Variants in ZDHHC17 observed in about 807,000 individuals in gnomAD.
The protein encoded by ZDHHC17 is zDHHC palmitoyltransferase 17, also known as palmitoyltransferase ZDHHC17.
ZDHHC17 carries 40 observed loss-of-function variants against 90.3 expected under a neutral mutation model. The observed-to-expected ratio is 0.44, with a 90% CI of 0.34 to 0.58. ZDHHC17 has a LOEUF of 0.58. ZDHHC17 is among the 20% of genes least tolerant of loss of function. The probability of loss-of-function intolerance (pLI) is 0.01; values close to 1 mark genes in which losing one functional copy is unlikely to be tolerated. For missense variants in ZDHHC17, 614 were observed against 780.8 expected (o/e 0.79, Z 2.55); for synonymous variants, 235 against 252.4 (o/e 0.93, Z 0.65).
At chr12:76,768,531 TAG>T (rs1952457224) in intron 1 of ZDHHC17, among the ~76,000 whole-genome samples, 1 of 152,246 alleles carries the variant, frequency 6.6e-6, no homozygotes, top group Admixed American at 6.5e-5. Flanking sequence ...TGGGAAGTTG[TAG>T]GCACGTGAAA....
intron 10 of ZDHHC17, among the ~76,000 whole-genome samples, chr12:76,829,796 G>A (rs1455485254): frequency 6.6e-6 from 1 of 151,762 alleles, no homozygotes; most frequent in Non-Finnish European, 1.5e-5. Flanking sequence ...TCACATATTT[G>A]CTAACTTGAG....
At chr12:76,776,114 GAA>G (rs140531915) in intron 1 of ZDHHC17, among the ~76,000 whole-genome samples, 1 of 149,390 alleles carries the variant, frequency 6.7e-6, no homozygotes, top group Non-Finnish European at 1.5e-5. Context: ...GGTACAGGTG[GAA>G]AAAAAAAATT....
chr12:76,793,800 A>AT (rs2137740839), intron 1 of ZDHHC17, among the ~76,000 whole-genome samples: 1 of 152,296 alleles, frequency 6.6e-6, no homozygotes, highest in African/African-American at 2.4e-5. Flanking sequence ...ACACATACAT[A>AT]TTTTTAAATT....
chr12:76,823,383 T>C (rs1345612335), intron 8 of ZDHHC17, among the ~76,000 whole-genome samples: 1 of 152,216 alleles, frequency 6.6e-6, no homozygotes, highest in Non-Finnish European at 1.5e-5. Flanking sequence ...AGTTTTAAAT[T>C]GTATGACTGT....
In ZDHHC17 at chr12:76,852,389, A is replaced by G. The variant is rs971754878; in HGVS notation, c.*1404A>G. ...TATCTGTATATAAATAATTTATCAA[A>G]TAGTTTTCTCTTTGTGTCTGTGTTA... On this transcript the variant is annotated 3_prime_UTR_variant, in exon 17 of 17. Transcript: ENST00000426126. 1 of 152,606 alleles carries G rather than the reference A, an allele frequency of 6.6e-6. No individual in the cohort carries two copies. Among genetic ancestry groups the G allele is most frequent in the Admixed American group, 6.5e-5 (1 of 15,276 alleles). 9.5% of individuals were successfully genotyped at this position (152,606 alleles called of 1,614,324 possible).
chr12:76,828,523 C>G, intron 10 of ZDHHC17, 33 bp downstream of exon 10: 5 of 1,588,180 alleles, frequency 3.1e-6, no homozygotes, highest in Non-Finnish European at 4.3e-6. Flanking sequence ...ATACCAAAAA[C>G]AAATTTTGTT....
In ZDHHC17 at chr12:76,816,000, T is replaced by C; in HGVS notation, c.752T>C (p.Val251Ala). The C allele has an allele frequency of 6.4e-7, 1 of 1,555,482 alleles. No individual in the cohort carries two copies. The highest frequency in any genetic ancestry group is 8.7e-7 in the Non-Finnish European group (1 of 1,151,614). Residue 251 changes from valine to alanine, a missense_variant, in exon 7 of 17, where the codon GTT becomes GCT. By Grantham distance (64) the Val-to-Ala change is moderately conservative. This residue lies in a region of ZDHHC17 where 358 missense variants were observed against 380.4 expected (regional missense o/e 0.94). Transcript: ENST00000426126. ...CTTCTTCTGGAAGCTGGAGCTAATG[T>C]TGATGCCCAGAATATCAAGGTAAAA... ...ISLLLEAGANVDAQNIKGESA... is the reference protein window; with the variant it reads ...ISLLLEAGANADAQNIKGESA...
intron 1 of ZDHHC17, among the ~76,000 whole-genome samples, chr12:76,784,313 C>G (rs1246308299): frequency 1.3e-5 from 2 of 152,096 alleles, no homozygotes; most frequent in Non-Finnish European, 2.9e-5. Context: ...GAGCCCCTAT[C>G]AGAGCAACAT....
chr12:76,779,634 A>G (rs1181667372), intron 1 of ZDHHC17, among the ~76,000 whole-genome samples: 1 of 152,226 alleles, frequency 6.6e-6, no homozygotes, highest in African/African-American at 2.4e-5. Context: ...AAACCACATC[A>G]GCCTCATAAC....
At chr12:76,766,246 G>A (rs1309321690) in intron 1 of ZDHHC17, among the ~76,000 whole-genome samples, 4 of 152,134 alleles carry the variant, frequency 2.6e-5, no homozygotes, top group East Asian at 1.9e-4. Context: ...AATATATACC[G>A]TTCCTTTTTA....
intron 1 of ZDHHC17, among the ~76,000 whole-genome samples, chr12:76,770,152 A>G (rs973844339): frequency 1.3e-5 from 2 of 152,232 alleles, no homozygotes; most frequent in African/African-American, 4.8e-5. Flanking sequence ...AAGTGAGATA[A>G]TACATGTGAA....
At chr12:76,849,939 TAGAC>T in intron 16 of ZDHHC17, among the ~76,000 whole-genome samples, 1 of 152,126 alleles carries the variant, frequency 6.6e-6, no homozygotes, top group African/African-American at 2.4e-5. Flanking sequence ...TTCTTTTTTT[TAGAC>T]AGAGTCTTGC....
At chr12:76,842,362 C>T (rs758875801) in intron 11 of ZDHHC17, among the ~76,000 whole-genome samples, 3 of 152,126 alleles carry the variant, frequency 2.0e-5, no homozygotes, top group Non-Finnish European at 4.4e-5. Flanking sequence ...GGGGTGAATA[C>T]GGTGTCTTAA....
At chr12:76,812,324 T>C (rs1210040049) in intron 5 of ZDHHC17, among the ~76,000 whole-genome samples, 1 of 152,132 alleles carries the variant, frequency 6.6e-6, no homozygotes, top group African/African-American at 2.4e-5. Context: ...TAGTTTTTTT[T>C]TGCTACTTTT....
At chr12:76,819,125 G>C (rs1180119013) in intron 7 of ZDHHC17, among the ~76,000 whole-genome samples, 1 of 152,156 alleles carries the variant, frequency 6.6e-6, no homozygotes, top group Non-Finnish European at 1.5e-5. Flanking sequence ...GTTTTGTTTT[G>C]GGTAACTGAG....
chr12:76,851,084 C>A lies in ZDHHC17; in HGVS notation c.*99C>A. On this transcript the variant is annotated 3_prime_UTR_variant, in exon 17 of 17. Transcript: ENST00000426126. Reference sequence around the variant, plus strand: ...CGAATCCACATCCTTTGAACAAGAGCATGCTATGTGTAGGGCTAATGGTGA... The same window carrying A: ...CGAATCCACATCCTTTGAACAAGAGAATGCTATGTGTAGGGCTAATGGTGA... The A allele has an allele frequency of 6.8e-7, 1 of 1,476,214 alleles. No homozygotes were observed. The highest frequency in any genetic ancestry group is 9.3e-7 in the Non-Finnish European group (1 of 1,080,546). The allele number at this position is 1,476,214 out of a possible 1,614,324, so 91.4% of individuals were successfully genotyped here. A position where few individuals can be genotyped will look rare whatever the true frequency, so the allele number is the denominator to read the frequency against.
chr12:76,772,335 T>C (rs1402640830), intron 1 of ZDHHC17, among the ~76,000 whole-genome samples: 3 of 152,106 alleles, frequency 2.0e-5, no homozygotes, highest in Non-Finnish European at 4.4e-5. Context: ...GGTAGCAAAA[T>C]TGAGCAGAAA....
intron 1 of ZDHHC17, among the ~76,000 whole-genome samples, chr12:76,779,450 G>C (rs190287655): frequency 6.6e-6 from 1 of 152,242 alleles, no homozygotes; most frequent in Non-Finnish European, 1.5e-5. Context: ...GAAAGTGTGT[G>C]CAGGGGAACT....
chr12:76,792,511 C>G (rs1042356337), intron 1 of ZDHHC17, among the ~76,000 whole-genome samples: 2 of 152,078 alleles, frequency 1.3e-5, no homozygotes, highest in African/African-American at 4.8e-5. Flanking sequence ...GTTGATTTCT[C>G]TTTGCTGCAG....
Sources: allele counts gnomAD v4.1 joint callset (sites outside exome capture counted in the v4.1 genomes callset), GRCh38; gene constraint gnomAD v4.1.1; regional missense constraint gnomAD v4.1.1; transcripts MANE v1.5; gene names NCBI Gene and HGNC (gene_info 2026-07-23, HGNC 2026-07-21).